The following ADGRD1 variants were observed in gnomAD, a reference collection of about 807,000 sequenced individuals.
ADGRD1 encodes adhesion G protein-coupled receptor D1.
ADGRD1 carries 77 observed loss-of-function variants against 113.4 expected under a neutral mutation model. That is an observed-to-expected ratio of 0.68 (90% CI 0.57 to 0.82). ADGRD1 has a LOEUF of 0.82. ADGRD1 is among the 40% of genes least tolerant of loss of function. The pLI is 0.00. For synonymous variants in ADGRD1, 474 were observed against 475.0 expected (o/e 1.00, Z 0.03); for missense variants, 1,036 against 1,139.1 (o/e 0.91, Z 1.30).
chr12:131,046,936 CCCTCCCTGGTCAGTGT>C (rs1188795959), intron 13 of ADGRD1, among the ~76,000 whole-genome samples: 1 of 146,434 alleles, frequency 6.8e-6, no homozygotes. Context: ...GGTGAGTGCT[CCCTCCCTGGTCAGTGT>C]CCTCCCTGGT....
chr12:131,011,447 C>T (rs1218641848), intron 12 of ADGRD1, among the ~76,000 whole-genome samples: 2 of 152,004 alleles, frequency 1.3e-5, no homozygotes, highest in Admixed American at 6.6e-5. Context: ...AAGTCATCGC[C>T]GCTTGCCTGT....
chr12:130,975,189 C>G (rs527264840), intron 4 of ADGRD1, among the ~76,000 whole-genome samples: 1 of 152,284 alleles, frequency 6.6e-6, no homozygotes, highest in African/African-American at 2.4e-5. Context: ...ACCTTGAAGG[C>G]TCAGCTCAAG....
intron 9 of ADGRD1, among the ~76,000 whole-genome samples, chr12:131,001,719 G>T (rs1469595073): frequency 6.6e-6 from 1 of 152,170 alleles, no homozygotes; most frequent in Non-Finnish European, 1.5e-5. Flanking sequence ...CTGTCTTCCG[G>T]TGCTGGCTTC....
At chr12:131,107,547 G>A (rs1005362798) in intron 17 of ADGRD1, among the ~76,000 whole-genome samples, 2 of 150,762 alleles carry the variant, frequency 1.3e-5, no homozygotes, top group African/African-American at 5.0e-5. Flanking sequence ...CCAGAGACCT[G>A]GGTCAGAATC....
At chr12:131,048,306 C>T (rs972469655) in intron 13 of ADGRD1, among the ~76,000 whole-genome samples, 4 of 152,234 alleles carry the variant, frequency 2.6e-5, no homozygotes, top group African/African-American at 9.6e-5. Flanking sequence ...GAGTCTCGCA[C>T]TCCCCAGGGA....
chr12:130,996,708 T>C (rs1875453981), intron 8 of ADGRD1, among the ~76,000 whole-genome samples: 1 of 74,298 alleles, frequency 1.3e-5, no homozygotes, highest in Non-Finnish European at 2.8e-5. Flanking sequence ...GGCGGGGGGC[T>C]GACCCCCCCA....
In ADGRD1 at chr12:131,018,570, T is replaced by TA. The variant is rs560421063; in HGVS notation, c.1473+4233dup. ...CTTCAGGCCACGAGGACCCGTATGT[T>TA]AAACAATCCCGCTCTTCTATTTTCT... On this transcript the variant is annotated intron_variant, in intron 13 of 24. Transcript: ENST00000261654. 5.5e-4 allele frequency among the ~76,000 whole-genome samples: 83 copies of TA among 152,272 alleles called. No homozygotes were observed. In the East Asian group the frequency reaches 0.015, roughly 27 times the overall value.
intron 21 of ADGRD1, among the ~76,000 whole-genome samples, chr12:131,135,613 A>C (rs1211050244): frequency 6.6e-6 from 1 of 152,158 alleles, no homozygotes; most frequent in Non-Finnish European, 1.5e-5. Context: ...CCCAGGCCTC[A>C]TTGCACCCTT....
intron 8 of ADGRD1, among the ~76,000 whole-genome samples, chr12:130,993,544 G>A (rs1026275947): frequency 6.6e-6 from 1 of 151,806 alleles, no homozygotes; most frequent in African/African-American, 2.4e-5. Context: ...ATGGAGCTGC[G>A]GGACTCAGCG....
At chr12:131,078,972 C>G (rs1160046695) in intron 14 of ADGRD1, among the ~76,000 whole-genome samples, 6 of 152,176 alleles carry the variant, frequency 3.9e-5, no homozygotes, top group Non-Finnish European at 8.8e-5. Flanking sequence ...CAATCCATCA[C>G]CCTCCAAGAT....
chr12:131,120,851 T>C lies in ADGRD1; in HGVS notation c.2113T>C (p.Trp705Arg), dbSNP rs1280701663. ...CGGCTCTGCTTCCCTCCGCAGTTGC[T>C]GGCTGTCGTTGGCGAGTGGCGCCAT... ...MDSYGTSNNC[W>R]LSLASGAIWA... The change falls in exon 20 of 25, where the codon TGG (tryptophan) becomes CGG (arginine). Residue 705 changes from tryptophan (W) to arginine (R), a missense_variant. Trp to Arg is a moderately radical substitution (Grantham distance 101). Transcript: ENST00000261654. 2 of 1,614,258 alleles carry C rather than the reference T, an allele frequency of 1.2e-6. 1 individual carries two copies. The highest frequency in any genetic ancestry group is 2.2e-5 in the South Asian group (2 of 91,086).
At chr12:131,000,547 C>T (rs2136713992) in intron 9 of ADGRD1, 105 bp downstream of exon 9, 1 of 823,470 alleles carries the variant, frequency 1.2e-6, no homozygotes, top group East Asian at 2.8e-5. Flanking sequence ...TCAAGACCAG[C>T]CTGGCCAATG....
At chr12:131,117,832 C>T (rs927274927) in intron 18 of ADGRD1, among the ~76,000 whole-genome samples, 1 of 152,260 alleles carries the variant, frequency 6.6e-6, no homozygotes, top group African/African-American at 2.4e-5. Flanking sequence ...GCTGATCTCA[C>T]ACCTTTCCAC....
chr12:131,007,722 C>G (rs906108072), intron 12 of ADGRD1, among the ~76,000 whole-genome samples: 2 of 152,268 alleles, frequency 1.3e-5, no homozygotes, highest in Non-Finnish European at 2.9e-5. Context: ...ACCAGCCCCA[C>G]AACATGTTCC....
intron 23 of ADGRD1, 142 bp downstream of exon 23, chr12:131,137,156 T>A: frequency 1.4e-6 from 1 of 727,356 alleles, no homozygotes; most frequent in Non-Finnish European, 2.5e-6. Flanking sequence ...TGATGCCAAG[T>A]TGTGTGCCCT....
chr12:131,080,384 A>G (rs989285995), intron 14 of ADGRD1, among the ~76,000 whole-genome samples: 11 of 151,594 alleles, frequency 7.3e-5, no homozygotes, highest in Admixed American at 2.6e-4. Flanking sequence ...AGTTTTTATG[A>G]CACCCCCATA....
intron 15 of ADGRD1, among the ~76,000 whole-genome samples, chr12:131,086,254 C>T (rs1450124907): frequency 6.6e-6 from 1 of 152,134 alleles, no homozygotes; most frequent in East Asian, 1.9e-4. Flanking sequence ...ATGGGTTGGG[C>T]TTCCACTGTC....
chr12:131,003,302 G>A lies in ADGRD1; in HGVS notation c.1144G>A (p.Glu382Lys). 6.2e-7 allele frequency: 1 copy of A among 1,607,038 alleles called. No homozygotes were observed. Among genetic ancestry groups the A allele is most frequent in the Non-Finnish European group, 8.5e-7 (1 of 1,174,002 alleles). Residue 382 changes from glutamate to lysine, a missense_variant and splice_region_variant, in exon 10 of 25, where the codon GAG becomes AAG. Coordinates refer to ENST00000261654, the MANE Select transcript of ADGRD1 (RefSeq NM_198827.5). This position sits in a 1 kb window ranked among gnomAD's most constrained non-coding sequence, Gnocchi z 4.8. ...CGTGGAGGGCTCCTCTGCCATGGCA[G>A]GTAGCTGTCGCTTGTAAGGGTGAGC... is the stretch of plus-strand genomic sequence containing the variant. The part of the protein sequence containing the change: ...VTVEGSSAMA[E>K]FSVAKILPKT...
At chr12:131,135,862 G>A (rs1225468599) in intron 21 of ADGRD1, among the ~76,000 whole-genome samples, 175 bp from the exon 22 acceptor site, 9 of 152,304 alleles carry the variant, frequency 5.9e-5, no homozygotes, top group African/African-American at 1.2e-4. Flanking sequence ...TGGAAACACC[G>A]AGGCTCCTCC....
Sources: allele counts gnomAD v4.1 joint callset (sites outside exome capture counted in the v4.1 genomes callset), GRCh38; gene constraint gnomAD v4.1.1; non-coding constraint Gnocchi (gnomAD v3.1); transcripts MANE v1.5; gene names NCBI Gene and HGNC (gene_info 2026-07-23, HGNC 2026-07-21).